The following ARSB variants were observed in gnomAD, a reference collection of about 807,000 sequenced individuals.
The protein encoded by ARSB is arylsulfatase B, also known as N-acetylgalactosamine-4-sulfatase.
ARSB carries 41 observed loss-of-function variants against 50.9 expected under a neutral mutation model. The ratio of observed to expected loss-of-function variants is 0.81; its 90% CI spans 0.63 to 1.04. The LOEUF is 1.04. Among genes scored for constraint, ARSB ranks in the 50% least tolerant of loss-of-function variants. The pLI is 0.00. For synonymous variants in ARSB, 269 were observed against 284.8 expected, an observed-to-expected ratio of 0.94 and a Z score of 0.56; for missense variants, 672 against 693.3, an observed-to-expected ratio of 0.97 and a Z score of 0.35.
intron 6 of ARSB, among the ~76,000 whole-genome samples, chr5:78,793,853 G>A (rs779408728): frequency 1.3e-5 from 2 of 152,110 alleles, no homozygotes; most frequent in Non-Finnish European, 2.9e-5. Context: ...AGATGAAACT[G>A]GAAGGCTGAA....
At chr5:78,847,350 C>T (rs1745490252) in intron 5 of ARSB, among the ~76,000 whole-genome samples, 1 of 152,110 alleles carries the variant, frequency 6.6e-6, no homozygotes, top group Non-Finnish European at 1.5e-5. Flanking sequence ...TGGTCTTGAA[C>T]TCCTAGGTTC....
intron 6 of ARSB, among the ~76,000 whole-genome samples, chr5:78,830,696 C>T (rs930143316): frequency 6.6e-6 from 1 of 152,190 alleles, no homozygotes; most frequent in Non-Finnish European, 1.5e-5. Flanking sequence ...CATTTCCAAA[C>T]AGACTTTAGT....
intron 4 of ARSB, among the ~76,000 whole-genome samples, chr5:78,931,730 T>C (rs2112391856): frequency 6.6e-6 from 1 of 152,174 alleles, no homozygotes; most frequent in Non-Finnish European, 1.5e-5. Flanking sequence ...TGTCCTATGC[T>C]GATTGGTATG....
intron 4 of ARSB, among the ~76,000 whole-genome samples, chr5:78,942,924 T>C (rs546419922): frequency 1.3e-5 from 2 of 152,350 alleles, no homozygotes; most frequent in East Asian, 3.9e-4. Flanking sequence ...TAAGTCTCTT[T>C]GTAGGTCTCT....
At chr5:78,895,813 C>T (rs1748535959) in intron 4 of ARSB, among the ~76,000 whole-genome samples, 1 of 152,146 alleles carries the variant, frequency 6.6e-6, no homozygotes, top group Non-Finnish European at 1.5e-5. Context: ...GGTGGATGAG[C>T]TAATAGATTT....
In ARSB at chr5:78,964,305, C is replaced by T. The variant is rs1752117312; in HGVS notation, c.690+111G>A. 9 of 1,098,968 alleles carry T rather than the reference C, an allele frequency of 8.2e-6. No homozygotes were observed. The Middle Eastern group carries it at 1.1e-3, about 136-fold the overall frequency. 68.1% of individuals were successfully genotyped at this position (1,098,968 alleles called of 1,614,324 possible). A position where few individuals can be genotyped will look rare whatever the true frequency, so the allele number is the denominator to read the frequency against. ...TACTGTATAATTTGAAAAGGACTTC[C>T]CTAGAATTTATTAGATTTTTCCCTA... On this transcript the variant is annotated intron_variant, in intron 3 of 7. Coordinates refer to ENST00000264914, the MANE Select transcript of ARSB (RefSeq NM_000046.5).
rs73126637 is a variant in ARSB, at chr5:78,887,341, G to A, written c.899-1514C>T. Among the ~76,000 whole-genome samples, 1,494 of 152,156 alleles carry A rather than the reference G, an allele frequency of 9.8e-3. 33 individuals carry two copies. The highest frequency in any genetic ancestry group is 0.034 in the African/African-American group (1,418 of 41,494). On this transcript the variant is annotated intron_variant, in intron 4 of 7. Transcript: ENST00000264914. Reference sequence around the variant, plus strand: ...CTTTATAACAACCCACTCTCATGGCGACTAATCCATTCCCTTGAGATTGAG... The same window carrying A: ...CTTTATAACAACCCACTCTCATGGCAACTAATCCATTCCCTTGAGATTGAG...
At chr5:78,850,437 G>T (rs1476241210) in intron 5 of ARSB, among the ~76,000 whole-genome samples, 1 of 152,050 alleles carries the variant, frequency 6.6e-6, no homozygotes, top group Non-Finnish European at 1.5e-5. Flanking sequence ...TAAGCTTTTT[G>T]ATGTGCTGCT....
chr5:78,971,194 A>G (rs1238134954), intron 1 of ARSB, among the ~76,000 whole-genome samples: 1 of 152,190 alleles, frequency 6.6e-6, no homozygotes, highest in East Asian at 1.9e-4. Context: ...GTGCCACTGT[A>G]GCCCCTGCTG....
chr5:78,793,769 G>A (rs1481863121), intron 6 of ARSB, among the ~76,000 whole-genome samples: 1 of 152,206 alleles, frequency 6.6e-6, no homozygotes, highest in Admixed American at 6.5e-5. Context: ...AGGGATGGGG[G>A]CTCTAGGAAG....
intron 1 of ARSB, among the ~76,000 whole-genome samples, chr5:78,984,721 G>T (rs956789241): frequency 6.6e-6 from 1 of 152,060 alleles, no homozygotes; most frequent in Non-Finnish European, 1.5e-5. Flanking sequence ...CGGGGCGCGG[G>T]TCCGCGGGGC....
At position 78,780,195 on chromosome 5, in the gene ARSB, T is replaced by C. The variant is rs73770019; in HGVS notation, c.*202A>G. On this transcript the variant is annotated 3_prime_UTR_variant, in exon 8 of 8. Coordinates refer to ENST00000264914, the MANE Select transcript of ARSB (RefSeq NM_000046.5). ...CCAGCCACCCCCACCTCTAGACACA[T>C]GCTCCAGCCAACAGCAGGAGTGTTG... is the stretch of plus-strand genomic sequence containing the variant. 6,444 of 663,358 alleles carry C rather than the reference T, an allele frequency of 9.7e-3. 317 individuals carry two copies. The African/African-American group carries it at 0.1, about 11-fold the overall frequency. 41.1% of individuals were successfully genotyped at this position (663,358 alleles called of 1,614,324 possible).
chr5:78,781,867 G>A lies in ARSB; in HGVS notation c.1321C>T (p.Leu441Phe). ...AAIRHGNWKL[L>F]TGYPGCGYWF... ...AGGACTCTACCTGGGTAGCCCGTGA[G>A]GAGTTTCCAATTTCCATGTCTAATT... The change falls in exon 7 of 8, where the codon CTC (leucine) becomes TTC (phenylalanine). Residue 441 changes from leucine (L) to phenylalanine (F), a missense_variant. Coordinates refer to ENST00000264914, the MANE Select transcript of ARSB (RefSeq NM_000046.5). 1.9e-6 allele frequency: 3 copies of A among 1,614,070 alleles called. No individual in the cohort carries two copies. Among genetic ancestry groups the A allele is most frequent in the Non-Finnish European group, 2.5e-6 (3 of 1,179,960 alleles).
chr5:78,942,383 AATT>A (rs1750979867), intron 4 of ARSB, among the ~76,000 whole-genome samples: 1 of 103,074 alleles, frequency 9.7e-6, no homozygotes, highest in African/African-American at 3.4e-5. Context: ...TTAGGGTGTC[AATT>A]GTAGACCTTT....
At chr5:78,891,865 T>C (rs1026043583) in intron 4 of ARSB, among the ~76,000 whole-genome samples, 2 of 152,240 alleles carry the variant, frequency 1.3e-5, no homozygotes, top group Non-Finnish European at 2.9e-5. Flanking sequence ...AGGTGTTTTA[T>C]GACCATCATC....
rs545416341 is a variant in ARSB, at chr5:78,942,101, T to C, written c.898+13194A>G. Among the ~76,000 whole-genome samples, 14 of 152,358 alleles carry C rather than the reference T, an allele frequency of 9.2e-5. No homozygotes were observed. In the East Asian group the frequency reaches 1.3e-3, roughly 15 times the overall value. Reference sequence around the variant, plus strand: ...GTTTGTAGTATTCTCTGATGGTAGTTTGTATTTCTGTGGGATCAGTGGTGA... The same window carrying C: ...GTTTGTAGTATTCTCTGATGGTAGTCTGTATTTCTGTGGGATCAGTGGTGA... On this transcript the variant is annotated intron_variant, in intron 4 of 7. Coordinates refer to ENST00000264914, the MANE Select transcript of ARSB (RefSeq NM_000046.5).
intron 1 of ARSB, among the ~76,000 whole-genome samples, chr5:78,972,543 A>ACACACACACACACACCCC (rs1361695118): frequency 1.3e-5 from 2 of 150,302 alleles, no homozygotes; most frequent in African/African-American, 4.9e-5. Context: ...ACACACACAC[A>ACACACACACACACACCCC]CCCCAAATCA....
chr5:78,972,203 G>A (rs1299204601), intron 1 of ARSB, among the ~76,000 whole-genome samples: 2 of 152,122 alleles, frequency 1.3e-5, no homozygotes, highest in South Asian at 2.1e-4. Context: ...CTGGCTACAT[G>A]AGTCTCTCTA....
chr5:78,954,372 C>T (rs430185), intron 4 of ARSB, among the ~76,000 whole-genome samples: 70,816 of 151,988 alleles, frequency 0.47, 16,475 homozygotes, highest in African/African-American at 0.53. Flanking sequence ...GGAAGTTGCA[C>T]ATGTAACAGA....
Sources: gnomAD v4.1 joint callset for allele counts (sites outside exome capture counted in the v4.1 genomes callset) on GRCh38, gnomAD v4.1.1 for gene constraint, MANE v1.5 for transcripts, NCBI Gene and HGNC (gene_info 2026-07-23, HGNC 2026-07-21) for gene names.